The following CATSPER2 variants were observed in gnomAD, a reference collection of about 807,000 sequenced individuals.
CATSPER2 encodes cation channel sperm-associated protein 2.
CATSPER2 carries 56 observed loss-of-function variants against 68.8 expected under a neutral mutation model. The ratio of observed to expected loss-of-function variants is 0.81; its 90% CI spans 0.66 to 1.02. The LOEUF is 1.02. Ranked by LOEUF, CATSPER2 falls within the 50% of genes least tolerant of loss-of-function variation. The pLI is 0.00. For missense variants in CATSPER2, 582 were observed against 642.0 expected (o/e 0.91, Z 1.01); for synonymous variants, 198 against 229.9 (o/e 0.86, Z 1.26).
intron 10 of CATSPER2, chr15:43,633,339 A>C: frequency 3.7e-6 from 1 of 271,110 alleles, no homozygotes; most frequent in South Asian, 4.3e-5. Flanking sequence ...ACTTCATGTC[A>C]CTCCTCTGTT....
intron 6 of CATSPER2, among the ~76,000 whole-genome samples, chr15:43,639,248 TA>T (rs1050486117): frequency 4.0e-5 from 6 of 149,356 alleles, no homozygotes; most frequent in African/African-American, 1.3e-4. Context: ...TTCTTTCATA[TA>T]TTTTTTTTTT....
In CATSPER2 at chr15:43,648,732, C is replaced by A; in HGVS notation, c.-106G>T. 1 of 1,515,474 alleles carries A rather than the reference C, an allele frequency of 6.6e-7. No homozygotes were observed. The highest frequency in any genetic ancestry group is 8.8e-7 in the Non-Finnish European group (1 of 1,136,500). 93.9% of individuals were successfully genotyped at this position (1,515,474 alleles called of 1,614,324 possible). A position where few individuals can be genotyped will look rare whatever the true frequency, so the allele number is the denominator to read the frequency against. On this transcript the variant is annotated 5_prime_UTR_variant, in exon 1 of 13. Transcript: ENST00000396879. ...CCCCTATGCAAGACGAGCTCAGGGC[C>A]GGCTCCCAGCCTCACTGCGCCCCAT...
Position 43,648,821 on chromosome 15 carries a change from C to A in CATSPER2, c.-195G>T. On this transcript the variant is annotated 5_prime_UTR_variant, in exon 1 of 13. Transcript: ENST00000396879. ...GGGACCCGGCCCTAGCCCCTACCCA[C>A]AGCCCAGGACCATGCGGAGCAACGC... 6.5e-7 allele frequency: 1 copy of A among 1,530,658 alleles called. No individual in the cohort carries two copies. The highest frequency in any genetic ancestry group is 8.8e-7 in the Non-Finnish European group (1 of 1,142,260). 94.8% of individuals were successfully genotyped at this position (1,530,658 alleles called of 1,614,324 possible).
At chr15:43,636,832 TTC>T (rs2085973415) in intron 7 of CATSPER2, among the ~76,000 whole-genome samples, 1 of 151,170 alleles carries the variant, frequency 6.6e-6, no homozygotes, top group Admixed American at 6.8e-5. Flanking sequence ...CTATTTTTTT[TTC>T]TTTTTTTTTT....
intron 4 of CATSPER2, among the ~76,000 whole-genome samples, chr15:43,645,542 T>C: frequency 6.6e-6 from 1 of 151,764 alleles, no homozygotes. Flanking sequence ...ATCCCAGCAC[T>C]TTGGGAGGCT....
chr15:43,647,294 A>G lies in CATSPER2; in HGVS notation c.319T>C (p.Cys107Arg). The part of the protein sequence containing the change: ...LSLWAGWVLE[C>R]PLFKNFIIFL... ...AAAAATGAGTGACATGAAAGGATAC[A>G]CTCAAGGACCCATCCGGCCCACAAA... Residue 107 changes from cysteine (C) to arginine (R), a missense_variant and splice_region_variant, in exon 3 of 13, where the codon TGT (cysteine) becomes CGT (arginine). Cys to Arg is a radical substitution (Grantham distance 180, BLOSUM62 -3). Transcript: ENST00000396879. 6.2e-7 allele frequency: 1 copy of G among 1,607,908 alleles called. No individual in the cohort carries two copies. The highest frequency in any genetic ancestry group is 8.5e-7 in the Non-Finnish European group (1 of 1,174,662).
intron 7 of CATSPER2, among the ~76,000 whole-genome samples, chr15:43,637,427 T>A (rs937811798): frequency 6.6e-6 from 1 of 151,912 alleles, no homozygotes; most frequent in Non-Finnish European, 1.5e-5. Context: ...GTCCCCCATA[T>A]ACAATTTATC....
chr15:43,642,181 C>T (rs2086087400), intron 4 of CATSPER2, among the ~76,000 whole-genome samples: 1 of 151,434 alleles, frequency 6.6e-6, no homozygotes, highest in African/African-American at 2.4e-5. Context: ...CTCACTGCAA[C>T]CTCCGCCTCC....
At chr15:43,637,767 G>A (rs1460336352) in intron 7 of CATSPER2, 2 of 151,848 alleles carry the variant, frequency 1.3e-5, no homozygotes, top group Non-Finnish European at 2.9e-5. Context: ...CAGAGATCAG[G>A]AATAGGCGTG....
At position 43,639,648 on chromosome 15, in the gene CATSPER2, G is replaced by A; in HGVS notation, c.712C>T (p.Leu238Phe). 6.2e-7 allele frequency: 1 copy of A among 1,612,802 alleles called. No homozygotes were observed. The highest frequency in any genetic ancestry group is 8.5e-7 in the Non-Finnish European group (1 of 1,179,470). ...QIIILVLVRALKSMTFLLMLL... is the reference protein window; with the variant it reads ...QIIILVLVRAFKSMTFLLMLL... The stretch of plus-strand genomic sequence containing the variant: ...GCTTGCAACAGTCAAATCACCTTGA[G>A]GGCCCTGACCAGGACCAAAATAATA... Residue 238 changes from leucine (L) to phenylalanine (F), a missense_variant, in exon 6 of 13, where the codon CTC becomes TTC. Transcript: ENST00000396879.
chr15:43,638,535 C>T (rs1193742042), intron 7 of CATSPER2, among the ~76,000 whole-genome samples: 2 of 151,722 alleles, frequency 1.3e-5, no homozygotes, highest in Non-Finnish European at 2.9e-5. Context: ...GATCCACCCG[C>T]CTTGGCCTCC....
rs117026099 is a variant in CATSPER2 at position 43,630,978 on chromosome 15, C to G, written c.1562-246G>C. On this transcript the variant is annotated intron_variant, in intron 12 of 12. Coordinates refer to ENST00000396879, the MANE Select transcript of CATSPER2 (RefSeq NM_172095.4). Reference sequence around the variant, plus strand: ...CTAGAGAATAAGTGGGAAGTCAGGGCTAAGAATGACTAGAAGGAACAGGAT... The same window carrying G: ...CTAGAGAATAAGTGGGAAGTCAGGGGTAAGAATGACTAGAAGGAACAGGAT... Among the ~76,000 whole-genome samples the G allele has an allele frequency of 6.8e-3, 1,037 of 152,084 alleles. 28 individuals are homozygous for G. Among genetic ancestry groups the G allele is most frequent in the East Asian group, 0.049 (252 of 5,180 alleles).
At chr15:43,638,286 C>CTTTCTTTT (rs1354288133) in intron 7 of CATSPER2, among the ~76,000 whole-genome samples, 4,871 of 81,724 alleles carry the variant, frequency 0.06, 268 homozygotes, top group African/African-American at 0.079. Flanking sequence ...TTCTTTCTTT[C>CTTTCTTTT]TTTTTTTTTT....
chr15:43,648,532 G>T, intron 1 of CATSPER2, 97 bp downstream of exon 1: 1 of 1,209,706 alleles, frequency 8.3e-7, no homozygotes, highest in Non-Finnish European at 1.1e-6. Context: ...GCCAAAGCCT[G>T]ACATTTTGAA....
At chr15:43,635,056 C>G in intron 10 of CATSPER2, 1 of 432,270 alleles carries the variant, frequency 2.3e-6, no homozygotes, top group Non-Finnish European at 4.4e-6. Context: ...TTCTCTGTGT[C>G]TTCTCCTCTT....
intron 4 of CATSPER2, chr15:43,642,340 T>G (rs2086091037): frequency 6.6e-6 from 1 of 151,866 alleles, no homozygotes; most frequent in Admixed American, 6.6e-5. Context: ...CCTCGTGATC[T>G]GCCCACCTCG....
chr15:43,639,134 C>G, intron 6 of CATSPER2, 106 bp from the exon 7 acceptor site: 3 of 1,332,418 alleles, frequency 2.3e-6, no homozygotes, highest in Non-Finnish European at 3.2e-6. Context: ...CTCTCTTGCA[C>G]TGCTGAACCC....
chr15:43,635,903 A>C, intron 8 of CATSPER2, 77 bp from the exon 9 acceptor site: 1 of 1,378,308 alleles, frequency 7.3e-7, no homozygotes, highest in Non-Finnish European at 1.0e-6. Flanking sequence ...GGGAGAATCC[A>C]AGTGAAATAT....
In CATSPER2 at chr15:43,647,976, A is replaced by C. The variant is rs566294914; in HGVS notation, c.86T>G (p.Ile29Ser). 1.1e-5 allele frequency: 17 copies of C among 1,613,694 alleles called. No homozygotes were observed. In the East Asian group the frequency reaches 1.1e-4, roughly 11 times the overall value. Residue 29 changes from isoleucine to serine, a missense_variant, in exon 2 of 13, where the codon ATT becomes AGT. Ile to Ser is a moderately radical substitution (Grantham distance 142). Around this residue, in one of 5 missense-constraint regions of CATSPER2, gnomAD observed 197 missense variants for 191.0 expected, o/e 1.03. Coordinates refer to ENST00000396879, the MANE Select transcript of CATSPER2 (RefSeq NM_172095.4). ...TTGGCTCAAGCCTTGCAAATGCTCAATGAGAGAGAAAGTATCGATGAGACG... is the reference window on the plus strand; with the variant it reads ...TTGGCTCAAGCCTTGCAAATGCTCACTGAGAGAGAAAGTATCGATGAGACG... ...RSRLIDTFSL[I>S]EHLQGLSQAV...
Sources: allele counts gnomAD v4.1 joint callset (sites outside exome capture counted in the v4.1 genomes callset), GRCh38; gene constraint gnomAD v4.1.1; regional missense constraint gnomAD v4.1.1; transcripts MANE v1.5; gene names NCBI Gene and HGNC (gene_info 2026-07-23, HGNC 2026-07-21).